Variants in UBE2W observed in about 807,000 individuals in gnomAD.
UBE2W encodes ubiquitin conjugating enzyme E2 W, also known as ubiquitin-conjugating enzyme E2 W.
In UBE2W, 18 loss-of-function variants were observed where a neutral mutation model predicts 27.2. That is an observed-to-expected ratio of 0.66 (90% CI 0.46 to 0.98). The LOEUF is 0.98. Ranked by LOEUF, UBE2W falls within the 50% of genes least tolerant of loss-of-function variation. The pLI is 0.00. For synonymous variants in UBE2W, 53 were observed against 57.2 expected (o/e 0.93, Z 0.33); for missense variants, 90 against 180.2 (o/e 0.50, Z 2.87).
intron 3 of UBE2W, among the ~76,000 whole-genome samples, chr8:73,822,601 G>GAAAA (rs1809660519): frequency 3.9e-4 from 2 of 5,142 alleles, no homozygotes; most frequent in Non-Finnish European, 5.0e-4. Context: ...TCTTGCAACT[G>GAAAA]CAAAAAAAAA....
chr8:73,869,772 G>A (rs1344090090), intron 1 of UBE2W, among the ~76,000 whole-genome samples: 2 of 152,148 alleles, frequency 1.3e-5, no homozygotes, highest in Non-Finnish European at 2.9e-5. Context: ...GCTGAGGCAG[G>A]AGGATCACTT....
At chr8:73,875,392 G>A (rs1253017801) in intron 1 of UBE2W, among the ~76,000 whole-genome samples, 2 of 152,148 alleles carry the variant, frequency 1.3e-5, no homozygotes, top group Non-Finnish European at 2.9e-5. Flanking sequence ...CTAAAAGATG[G>A]TTGAGACGCA....
chr8:73,870,815 T>A (rs1811976206), intron 1 of UBE2W, among the ~76,000 whole-genome samples: 2 of 109,788 alleles, frequency 1.8e-5, no homozygotes, highest in South Asian at 2.9e-4. Context: ...TGAACAAAGC[T>A]ATGAGTGAAA....
At chr8:73,801,587 T>C (rs1563574536) in intron 5 of UBE2W, among the ~76,000 whole-genome samples, 1 of 152,222 alleles carries the variant, frequency 6.6e-6, no homozygotes, top group Non-Finnish European at 1.5e-5. Flanking sequence ...TAACTATGTT[T>C]GTCAATATTC....
Position 73,788,959 on chromosome 8 carries a change from C to CA in UBE2W, c.*5142dup, listed in dbSNP as rs1202453659. The CA allele has an allele frequency of 1.0e-6, 1 of 983,166 alleles. No homozygotes were observed. The highest frequency in any genetic ancestry group is 1.1e-4 in the East Asian group (1 of 8,788). 60.9% of individuals were successfully genotyped at this position (983,166 alleles called of 1,614,324 possible). On this transcript the variant is annotated 3_prime_UTR_variant, in exon 6 of 6. Coordinates refer to ENST00000602593, the MANE Select transcript of UBE2W (RefSeq NM_018299.6). Reference sequence around the variant, plus strand: ...AAAATACCCTCAGATATTTTATTAACAAAAAATTTTTCATAAAAAAATAGT... The same window carrying CA: ...AAAATACCCTCAGATATTTTATTAACAAAAAAATTTTTCATAAAAAAATAGT...
intron 1 of UBE2W, among the ~76,000 whole-genome samples, chr8:73,874,177 A>G (rs527526777): frequency 1.3e-5 from 2 of 152,150 alleles, no homozygotes; most frequent in East Asian, 3.9e-4. Context: ...GACGCCTGTA[A>G]TCCCAGCACT....
chr8:73,874,577 A>G lies in UBE2W; in HGVS notation c.15+4231T>C, dbSNP rs75922828. On this transcript the variant is annotated intron_variant, in intron 1 of 5. Transcript: ENST00000602593. ...ATCACATAAAAATTCACTTCAATAA[A>G]AGAATGCTTCTGCAGTTTGGGGATA... is the stretch of plus-strand genomic sequence containing the variant. 3.0e-4 allele frequency among the ~76,000 whole-genome samples: 45 copies of G among 152,374 alleles called. No individual in the cohort carries two copies. The East Asian group carries it at 8.7e-3, about 29-fold the overall frequency.
downstream of UBE2W, among the ~76,000 whole-genome samples, chr8:73,785,967 G>A (rs1166528735): frequency 6.6e-6 from 1 of 152,156 alleles, no homozygotes; most frequent in African/African-American, 2.4e-5. Context: ...TATATGATAT[G>A]CTTTTCTATT....
At chr8:73,807,916 A>C (rs1454469241) in intron 4 of UBE2W, among the ~76,000 whole-genome samples, 2 of 152,244 alleles carry the variant, frequency 1.3e-5, no homozygotes, top group Admixed American at 1.3e-4. Flanking sequence ...AAAAGTTTGA[A>C]CAATGTAAAT....
intron 5 of UBE2W, among the ~76,000 whole-genome samples, 179 bp downstream of exon 5, chr8:73,805,472 C>CAAAAAAAAAAAAAAAAACAAAAACAA: frequency 2.3e-5 from 1 of 43,674 alleles, no homozygotes; most frequent in Non-Finnish European, 5.0e-5. Context: ...AAAAAAAAAA[C>CAAAAAAAAAAAAAAAAACAAAAACAA]AAAAAAAACT....
rs1324750906 is a variant in UBE2W at position 73,791,996 on chromosome 8, C to T, written c.*2106G>A. 1.4e-5 allele frequency: 14 copies of T among 985,016 alleles called. No individual in the cohort carries two copies. The highest frequency in any genetic ancestry group is 1.7e-5 in the African/African-American group (1 of 57,216). 61.0% of individuals were successfully genotyped at this position (985,016 alleles called of 1,614,324 possible). A position where few individuals can be genotyped will look rare whatever the true frequency, so the allele number is the denominator to read the frequency against. ...AATTCCTTTGGTGAATAAATGTCACCGGTCATTTCTTTATAAAAGCATTTT... is the reference window on the plus strand; with the variant it reads ...AATTCCTTTGGTGAATAAATGTCACTGGTCATTTCTTTATAAAAGCATTTT... On this transcript the variant is annotated 3_prime_UTR_variant, in exon 6 of 6. Coordinates refer to ENST00000602593, the MANE Select transcript of UBE2W (RefSeq NM_018299.6).
At chr8:73,794,205 T>G in intron 5 of UBE2W, 90 bp from the exon 6 acceptor site, 1 of 1,464,932 alleles carries the variant, frequency 6.8e-7, no homozygotes, top group African/African-American at 1.4e-5. Context: ...TAATTTCAAT[T>G]AGCAAGAAGT....
intron 1 of UBE2W, among the ~76,000 whole-genome samples, chr8:73,843,452 G>A (rs1398959319): frequency 2.0e-5 from 3 of 152,082 alleles, no homozygotes; most frequent in Non-Finnish European, 4.4e-5. Flanking sequence ...GGGCCACACA[G>A]CGAGACCACA....
downstream of UBE2W, chr8:73,786,109 T>C (rs771789305): frequency 4.4e-6 from 3 of 675,844 alleles, no homozygotes; most frequent in African/African-American, 2.0e-5. Context: ...TTTACCTTTA[T>C]GATTTTATGG....
Position 73,806,745 on chromosome 8 carries a change from T to C in UBE2W, c.367-1019A>G, listed in dbSNP as rs554928428. On this transcript the variant is annotated intron_variant, in intron 4 of 5. Coordinates refer to ENST00000602593, the MANE Select transcript of UBE2W (RefSeq NM_018299.6). ...ACAGAAAAGTCTACTAAACTAGATT[T>C]GTTGGGAGAAGTATAGCAATGTACA... Among the ~76,000 whole-genome samples, 17 of 152,204 alleles carry C rather than the reference T, an allele frequency of 1.1e-4. No individual in the cohort carries two copies. The South Asian group carries it at 3.5e-3, about 32-fold the overall frequency.
At chr8:73,832,578 T>C (rs752815701) in intron 1 of UBE2W, among the ~76,000 whole-genome samples, 1 of 152,222 alleles carries the variant, frequency 6.6e-6, no homozygotes, top group Non-Finnish European at 1.5e-5. Context: ...TTATGACGAA[T>C]AGGCAGTTAC....
chr8:73,844,868 G>C (rs1014594193), intron 1 of UBE2W, among the ~76,000 whole-genome samples: 3 of 149,064 alleles, frequency 2.0e-5, no homozygotes, highest in Non-Finnish European at 4.5e-5. Flanking sequence ...GAGCGTCTCC[G>C]ACGGGCCACC....
chr8:73,873,268 G>A (rs193176254), intron 1 of UBE2W, among the ~76,000 whole-genome samples: 2 of 152,130 alleles, frequency 1.3e-5, no homozygotes, highest in East Asian at 1.9e-4. Flanking sequence ...AACAGACGTC[G>A]TATCTAACTG....
At chr8:73,855,118 C>A (rs2130957963) in intron 1 of UBE2W, among the ~76,000 whole-genome samples, 1 of 152,310 alleles carries the variant, frequency 6.6e-6, no homozygotes, top group South Asian at 2.1e-4. Flanking sequence ...TGGAGTACTT[C>A]CAGCATCACT....
Sources: allele counts gnomAD v4.1 joint callset (sites outside exome capture counted in the v4.1 genomes callset), GRCh38; gene constraint gnomAD v4.1.1; transcripts MANE v1.5; gene names NCBI Gene and HGNC (gene_info 2026-07-23, HGNC 2026-07-21).